Variants in RPRD1A observed in about 807,000 individuals in gnomAD.
RPRD1A encodes the protein regulation of nuclear pre-mRNA domain containing 1A.
RPRD1A carries 9 observed loss-of-function variants against 37.8 expected under a neutral mutation model. That is an observed-to-expected ratio of 0.24 (90% CI 0.14 to 0.42). The LOEUF is 0.42. Among genes scored for constraint, RPRD1A ranks in the 10% least tolerant of loss-of-function variants. The pLI, the probability that RPRD1A is intolerant of heterozygous loss-of-function variation, is 1.00. For synonymous variants in RPRD1A, 138 were observed against 139.7 expected (o/e 0.99, Z 0.08); for missense variants, 255 against 371.0 (o/e 0.69, Z 2.57).
At chr18:36,009,077 T>C (rs1318068509) in intron 6 of RPRD1A, among the ~76,000 whole-genome samples, 1 of 152,168 alleles carries the variant, frequency 6.6e-6, no homozygotes, top group African/African-American at 2.4e-5. Flanking sequence ...GTATTAACTA[T>C]TTCCTAGGGG....
intron 1 of RPRD1A, among the ~76,000 whole-genome samples, chr18:36,044,824 A>G (rs1023932147): frequency 3.9e-5 from 6 of 152,074 alleles, no homozygotes; most frequent in African/African-American, 1.2e-4. Context: ...AAAAACTGCA[A>G]TTGTATCCAA....
intron 1 of RPRD1A, among the ~76,000 whole-genome samples, chr18:36,040,606 G>A (rs1912512831): frequency 6.6e-6 from 1 of 152,162 alleles, no homozygotes; most frequent in African/African-American, 2.4e-5. Flanking sequence ...AAATCTAGAA[G>A]TAGGTAACAC....
At chr18:36,006,002 T>G (rs1015462205) in intron 6 of RPRD1A, among the ~76,000 whole-genome samples, 3 of 152,210 alleles carry the variant, frequency 2.0e-5, no homozygotes, top group African/African-American at 7.2e-5. Flanking sequence ...TGTTAACACT[T>G]CTGTGCCTCA....
At chr18:36,032,551 C>T (rs1911871147) in intron 2 of RPRD1A, among the ~76,000 whole-genome samples, 1 of 152,132 alleles carries the variant, frequency 6.6e-6, no homozygotes, top group Non-Finnish European at 1.5e-5. Context: ...AGTATTATGA[C>T]CAGCTCTGCA....
chr18:36,038,702 T>A (rs1054959127), intron 1 of RPRD1A, among the ~76,000 whole-genome samples: 3 of 152,164 alleles, frequency 2.0e-5, no homozygotes, highest in Admixed American at 1.3e-4. Context: ...CTGGAAAAGT[T>A]ACAGGCAGTC....
rs1234904779 is a variant in RPRD1A at position 36,008,587 on chromosome 18, A to ATATATATATATCTATC, written c.790-15288_790-15287insGATAGATATATATATA. 1.7e-5 allele frequency among the ~76,000 whole-genome samples: 2 copies of ATATATATATATCTATC among 119,602 alleles called. 1 individual carries two copies. The highest frequency in any genetic ancestry group is 7.3e-5 in the African/African-American group (2 of 27,262). 78.5% of individuals were successfully genotyped at this position (119,602 alleles called of 152,430 possible). ...CAAGACCTTGTGTGTGTATATATAT[A>ATATATATATATCTATC]TATCTTTAAAAATCTCTCTAGGAAA... On this transcript the variant is annotated intron_variant, in intron 6 of 6. Coordinates refer to ENST00000399022, the MANE Select transcript of RPRD1A (RefSeq NM_018170.5).
chr18:36,015,707 T>G (rs1183886149), intron 6 of RPRD1A, among the ~76,000 whole-genome samples: 1 of 152,122 alleles, frequency 6.6e-6, no homozygotes, highest in Non-Finnish European at 1.5e-5. Context: ...GCTAAAGAAA[T>G]AAGCCAGTCA....
intron 6 of RPRD1A, among the ~76,000 whole-genome samples, chr18:36,007,111 C>T (rs1306843414): frequency 2.0e-5 from 3 of 152,148 alleles, no homozygotes; most frequent in Non-Finnish European, 4.4e-5. Context: ...TTAACACTTT[C>T]ATCATTTACA....
At chr18:36,029,377 G>C (rs937263633) in intron 4 of RPRD1A, among the ~76,000 whole-genome samples, 1 of 152,136 alleles carries the variant, frequency 6.6e-6, no homozygotes, top group Non-Finnish European at 1.5e-5. Flanking sequence ...TGTTGCCCTT[G>C]TGAGTTCCTG....
chr18:36,032,597 T>C (rs76386382), intron 2 of RPRD1A, among the ~76,000 whole-genome samples: 86 of 152,244 alleles, frequency 5.6e-4, no homozygotes, highest in Admixed American at 1.0e-3. Flanking sequence ...TAAACAATAC[T>C]AAAGGGCATT....
intron 6 of RPRD1A, among the ~76,000 whole-genome samples, chr18:36,008,587 A>ATATATATATATATATATATC (rs1234904779): frequency 1.8e-4 from 22 of 119,580 alleles, no homozygotes; most frequent in African/African-American, 7.7e-4. Flanking sequence ...GTATATATAT[A>ATATATATATATATATATATC]TATCTTTAAA....
At chr18:36,018,281 T>C (rs1173723965) in intron 6 of RPRD1A, among the ~76,000 whole-genome samples, 1 of 146,800 alleles carries the variant, frequency 6.8e-6, no homozygotes, top group African/African-American at 2.5e-5. Flanking sequence ...CACTTTTTTT[T>C]TTTTTTTTTA....
chr18:35,999,255 G>T (rs1909276363), intron 6 of RPRD1A, among the ~76,000 whole-genome samples: 1 of 152,174 alleles, frequency 6.6e-6, no homozygotes, highest in Admixed American at 6.5e-5. Flanking sequence ...ATGGAGTACT[G>T]TTTCCTCAAT....
intron 6 of RPRD1A, among the ~76,000 whole-genome samples, chr18:36,014,673 G>A (rs1185573240): frequency 1.3e-5 from 2 of 152,186 alleles, no homozygotes; most frequent in Non-Finnish European, 2.9e-5. Context: ...AACCTGGGAG[G>A]CAGAGCTTGC....
chr18:36,054,659 TGAC>T (rs1000747902), intron 1 of RPRD1A, among the ~76,000 whole-genome samples: 12 of 152,088 alleles, frequency 7.9e-5, no homozygotes, highest in Non-Finnish European at 1.8e-4. Flanking sequence ...ATCTGGAGGC[TGAC>T]AAGTCCCACG....
intron 2 of RPRD1A, 37 bp from the exon 3 acceptor site, chr18:36,031,134 ACAGT>A: frequency 6.7e-7 from 1 of 1,495,878 alleles, no homozygotes; most frequent in South Asian, 1.4e-5. Context: ...AAAAATGTTA[ACAGT>A]AACAATGCAT....
intron 6 of RPRD1A, among the ~76,000 whole-genome samples, chr18:35,995,261 G>A (rs1279469348): frequency 1.8e-5 from 2 of 109,210 alleles, no homozygotes; most frequent in Admixed American, 1.0e-4. Context: ...GCTTTTTTTC[G>A]TTTTTTTTTT....
intron 6 of RPRD1A, among the ~76,000 whole-genome samples, chr18:36,017,213 T>TC (rs746099356): frequency 3.3e-5 from 5 of 152,030 alleles, no homozygotes; most frequent in Non-Finnish European, 5.9e-5. Context: ...GGGAGGCTGA[T>TC]CACCTGAGCC....
At chr18:36,022,250 G>A (rs28791905) in intron 6 of RPRD1A, among the ~76,000 whole-genome samples, 40,671 of 152,112 alleles carry the variant, frequency 0.27, 5,951 homozygotes, top group African/African-American at 0.39. Flanking sequence ...AGCTGTCTCC[G>A]TAACTTCGAA....
Sources: gnomAD v4.1 joint callset for allele counts (sites outside exome capture counted in the v4.1 genomes callset) on GRCh38, gnomAD v4.1.1 for gene constraint, MANE v1.5 for transcripts, NCBI Gene and HGNC (gene_info 2026-07-23, HGNC 2026-07-21) for gene names.